Variants in PREX1 observed in about 807,000 individuals in gnomAD.
PREX1 encodes the protein phosphatidylinositol-3,4,5-trisphosphate dependent Rac exchange factor 1, also known as phosphatidylinositol 3,4,5-trisphosphate-dependent Rac exchanger 1 protein.
Under a neutral mutation model 198.3 loss-of-function variants are expected in PREX1, and 41 were observed. That is an observed-to-expected ratio of 0.21 (90% CI 0.16 to 0.27). The LOEUF (loss-of-function observed/expected upper bound fraction) is 0.27. Among genes scored for constraint, PREX1 ranks in the 10% least tolerant of loss-of-function variants. The pLI, the probability that PREX1 is intolerant of heterozygous loss-of-function variation, is 1.00. For synonymous variants in PREX1, 843 were observed against 887.2 expected (o/e 0.95, Z 0.89); for missense variants, 1,620 against 2,200.7 (o/e 0.74, Z 5.28).
At chr20:48,770,266 G>A (rs1175888298) in intron 1 of PREX1, among the ~76,000 whole-genome samples, 1 of 152,144 alleles carries the variant, frequency 6.6e-6, no homozygotes, top group African/African-American at 2.4e-5. Flanking sequence ...CAAGAGGTCT[G>A]GAAAAGCCAG....
chr20:48,650,062 C>T lies in PREX1; in HGVS notation c.2962G>A (p.Val988Met). ...AAGCGGATGCTGAAGGACCTGCCCA[C>T]TGAGGGGGTGGTCTTGGGGTAGGAC... is the stretch of plus-strand genomic sequence containing the variant. ...EVSYPKTTPS[V>M]GRSFSIRFGR... Residue 988 changes from valine to methionine, a missense_variant, in exon 24 of 40, where the codon GTG (valine) becomes ATG (methionine). Physicochemically the swap from Val to Met is conservative, Grantham distance 21. Around this residue, in one of 7 missense-constraint regions of PREX1, gnomAD observed 514 missense variants for 611.6 expected, o/e 0.84. Transcript: ENST00000371941. The T allele has an allele frequency of 6.2e-7, 1 of 1,614,198 alleles. No homozygotes were observed. The highest frequency in any genetic ancestry group is 8.5e-7 in the Non-Finnish European group (1 of 1,180,042).
intron 1 of PREX1, among the ~76,000 whole-genome samples, chr20:48,813,973 C>CA (rs913628065): frequency 2.6e-5 from 4 of 152,210 alleles, no homozygotes; most frequent in African/African-American, 9.7e-5. Flanking sequence ...ACCACCCAAT[C>CA]AACAGCTTGG....
chr20:48,666,095 T>C lies in PREX1; in HGVS notation c.1738+188A>G, dbSNP rs952335639. Among the ~76,000 whole-genome samples, 1 of 152,096 alleles carries C rather than the reference T, an allele frequency of 6.6e-6. No individual in the cohort carries two copies. Among genetic ancestry groups the C allele is most frequent in the African/African-American group, 2.4e-5 (1 of 41,388 alleles). Reference sequence around the variant, plus strand: ...TCCTTCCAGCCATTTTGGTCCCCAGTGGACACCAGAAGCCATTTCTCGATC... The same window carrying C: ...TCCTTCCAGCCATTTTGGTCCCCAGCGGACACCAGAAGCCATTTCTCGATC... On this transcript the variant is annotated intron_variant, in intron 15 of 39. Coordinates refer to ENST00000371941, the MANE Select transcript of PREX1 (RefSeq NM_020820.4). This position sits in a 1 kb window ranked among gnomAD's most constrained non-coding sequence, Gnocchi z 4.3.
chr20:48,681,418 TC>T, intron 10 of PREX1, 83 bp from the exon 11 acceptor site: 1 of 1,323,640 alleles, frequency 7.6e-7, no homozygotes, highest in Non-Finnish European at 1.1e-6. Flanking sequence ...CCTGGCCACA[TC>T]CACCCCTGGG....
chr20:48,715,759 G>A (rs145333952), intron 5 of PREX1, among the ~76,000 whole-genome samples: 9 of 152,290 alleles, frequency 5.9e-5, no homozygotes, highest in South Asian at 2.1e-4. Context: ...AATAGAAGTC[G>A]TGGTAATAGT....
chr20:48,843,186 C>G, the PREX1 span, among the ~76,000 whole-genome samples: 8 of 152,296 alleles, frequency 5.3e-5, no homozygotes, highest in East Asian at 1.5e-3. Context: ...TGACAGAAAT[C>G]CAACTCAAAC....
intron 1 of PREX1, among the ~76,000 whole-genome samples, chr20:48,766,275 C>T (rs1440272131): frequency 3.3e-5 from 5 of 152,174 alleles, no homozygotes; most frequent in African/African-American, 1.2e-4. Context: ...GAAACCCGTC[C>T]CTGGTGCCAA....
chr20:48,625,898 T>A lies in PREX1; in HGVS notation c.4967A>T (p.Asp1656Val), dbSNP rs1444008310. ...GCATTTGGGTGTTCAGAGGTCCCCATCCACCGGCGGCTGGCAGAGGCGGTA... is the reference window on the plus strand; with the variant it reads ...GCATTTGGGTGTTCAGAGGTCCCCAACCACCGGCGGCTGGCAGAGGCGGTA... Reference protein sequence around the residue: ...RLYRLCQPPVDGDL With the variant: ...RLYRLCQPPVVGDL The change falls in exon 40 of 40, where the codon GAT becomes GTT. Residue 1656 changes from aspartate (D) to valine (V), a missense_variant. Physicochemically the swap from Asp to Val is radical, Grantham distance 152. This residue lies in a region of PREX1 where 476 missense variants were observed against 603.4 expected (regional missense o/e 0.79). Coordinates refer to ENST00000371941, the MANE Select transcript of PREX1 (RefSeq NM_020820.4). The A allele has an allele frequency of 1.9e-6, 3 of 1,562,846 alleles. No individual in the cohort carries two copies. The highest frequency in any genetic ancestry group is 4.9e-5 in the East Asian group (2 of 40,798).
rs528963438 is a variant in PREX1, at chr20:48,804,136, G to A, written c.219+23506C>T. On this transcript the variant is annotated intron_variant, in intron 1 of 39. Transcript: ENST00000371941. ...ATATAATATAATCTTCAGGAAATAC[G>A]TGACAACGACTGGATAGCTCGTCCT... Among the ~76,000 whole-genome samples the A allele has an allele frequency of 1.2e-4, 18 of 152,342 alleles. No individual in the cohort carries two copies. In the South Asian group the frequency reaches 2.9e-3, roughly 25 times the overall value.
At chr20:48,814,739 T>C (rs2090452487) in intron 1 of PREX1, among the ~76,000 whole-genome samples, 1 of 152,228 alleles carries the variant, frequency 6.6e-6, no homozygotes, top group Non-Finnish European at 1.5e-5. Context: ...CTCCTTGTGC[T>C]GTTAATGTCC....
At chr20:48,885,008 T>C in the PREX1 span, among the ~76,000 whole-genome samples, 1 of 152,228 alleles carries the variant, frequency 6.6e-6, no homozygotes, top group Non-Finnish European at 1.5e-5. Context: ...AGGTCCATTA[T>C]ACCTAGCTGT....
chr20:48,813,641 T>A (rs986546942), intron 1 of PREX1, among the ~76,000 whole-genome samples: 1 of 151,784 alleles, frequency 6.6e-6, no homozygotes, highest in Non-Finnish European at 1.5e-5. Context: ...AATAATAACG[T>A]GTGTGTGCAT....
At chr20:48,709,292 T>C (rs6012518) in intron 5 of PREX1, among the ~76,000 whole-genome samples, 50,281 of 152,084 alleles carry the variant, frequency 0.33, 11,860 homozygotes, top group African/African-American at 0.67. Flanking sequence ...ACACGCCCAA[T>C]AGCTCCAGTC....
intron 6 of PREX1, among the ~76,000 whole-genome samples, chr20:48,704,472 C>A (rs2089892381): frequency 6.6e-6 from 1 of 152,150 alleles, no homozygotes; most frequent in Non-Finnish European, 1.5e-5. Flanking sequence ...ATCTCTTAAA[C>A]CAGGGCTGCC....
chr20:48,886,627 A>C, the PREX1 span, among the ~76,000 whole-genome samples: 1 of 152,274 alleles, frequency 6.6e-6, no homozygotes, highest in African/African-American at 2.4e-5. Context: ...CAAAGGGACA[A>C]AGGCGCTCAG....
intron 7 of PREX1, among the ~76,000 whole-genome samples, chr20:48,698,248 AG>A (rs1391353301): frequency 2.0e-5 from 3 of 152,206 alleles, no homozygotes; most frequent in Non-Finnish European, 4.4e-5. Flanking sequence ...TATCAGAATC[AG>A]CTGCTGTCCC....
chr20:48,748,769 T>A (rs1391789670), intron 1 of PREX1, among the ~76,000 whole-genome samples: 2 of 152,188 alleles, frequency 1.3e-5, no homozygotes, highest in Admixed American at 1.3e-4. Context: ...ACCATTCATG[T>A]GGGGTCACGT....
At chr20:48,868,519 G>A in the PREX1 span, among the ~76,000 whole-genome samples, 2 of 152,056 alleles carry the variant, frequency 1.3e-5, no homozygotes, top group Middle Eastern at 3.2e-3. Flanking sequence ...AGTAGAGACA[G>A]GGTTTCAACA....
At chr20:48,631,476 TGA>T (rs2089314042) in intron 35 of PREX1, among the ~76,000 whole-genome samples, 1 of 152,160 alleles carries the variant, frequency 6.6e-6, no homozygotes. Context: ...TCAACATGTG[TGA>T]ATGAAGGGAT....
Sources: allele counts gnomAD v4.1 joint callset (sites outside exome capture counted in the v4.1 genomes callset), GRCh38; gene constraint gnomAD v4.1.1; regional missense constraint gnomAD v4.1.1; non-coding constraint Gnocchi (gnomAD v3.1); transcripts MANE v1.5; gene names NCBI Gene and HGNC (gene_info 2026-07-23, HGNC 2026-07-21).